VPS13B: variants seen among roughly 807,000 people sequenced by gnomAD.
VPS13B encodes the protein intermembrane lipid transfer protein VPS13B.
In VPS13B, 285 loss-of-function variants were observed where a neutral mutation model predicts 426.4. That is an observed-to-expected ratio of 0.67 (90% CI 0.61 to 0.74). VPS13B has a LOEUF of 0.74. Ranked by LOEUF, VPS13B falls within the 30% of genes least tolerant of loss-of-function variation. The pLI, the probability that VPS13B is intolerant of heterozygous loss-of-function variation, is 0.00. For synonymous variants in VPS13B, 1,676 were observed against 1,676.4 expected, an observed-to-expected ratio of 1.00 and a Z score of 0.01; for missense variants, 4,537 against 4,782.6, an observed-to-expected ratio of 0.95 and a Z score of 1.51.
chr8:99,318,017 C>T (rs1169043779), intron 19 of VPS13B, among the ~76,000 whole-genome samples: 1 of 152,028 alleles, frequency 6.6e-6, no homozygotes, highest in Admixed American at 6.6e-5. Context: ...CTTTAGAAAG[C>T]TTTACTTTAC....
intron 21 of VPS13B, among the ~76,000 whole-genome samples, chr8:99,406,756 A>T (rs775286342): frequency 8.5e-5 from 13 of 152,198 alleles, no homozygotes; most frequent in Non-Finnish European, 1.9e-4. Flanking sequence ...ACTTTAGGTT[A>T]TATCTGGAGA....
At chr8:99,121,031 G>C in intron 7 of VPS13B, 146 bp from the exon 8 acceptor site, 1 of 681,056 alleles carries the variant, frequency 1.5e-6, no homozygotes, top group Non-Finnish European at 2.4e-6. Context: ...CTAAATTATT[G>C]GTTTCAAATA....
chr8:99,303,437 A>G (rs1026813678), intron 19 of VPS13B, among the ~76,000 whole-genome samples: 5 of 151,746 alleles, frequency 3.3e-5, no homozygotes, highest in Admixed American at 2.6e-4. Flanking sequence ...TAATACCACC[A>G]TTAAAGGAAT....
chr8:99,592,459 T>C (rs191008168), intron 33 of VPS13B, among the ~76,000 whole-genome samples: 2 of 152,218 alleles, frequency 1.3e-5, no homozygotes, highest in Admixed American at 1.3e-4. Context: ...TGGTTTTATC[T>C]ACCTTTGGTC....
intron 30 of VPS13B, among the ~76,000 whole-genome samples, chr8:99,524,100 A>G (rs538874718): frequency 3.9e-5 from 6 of 152,258 alleles, no homozygotes; most frequent in African/African-American, 1.4e-4. Context: ...CAATTAACAT[A>G]CTGAATGCAT....
intron 40 of VPS13B, among the ~76,000 whole-genome samples, chr8:99,767,925 TCA>T (rs1302652074): frequency 7.9e-5 from 12 of 152,132 alleles, no homozygotes; most frequent in Non-Finnish European, 1.5e-4. Context: ...CAAGACCCTG[TCA>T]CACACACCAA....
rs1177998080 is a variant in VPS13B at position 99,877,385 on chromosome 8, G to T, written c.*1719G>T. On this transcript the variant is annotated 3_prime_UTR_variant, in exon 62 of 62. Transcript: ENST00000357162. Reference sequence around the variant, plus strand: ...TTATGGTAATTTTGCATATTGATATGAATTATATAAAATTGTTTAAAATAA... The same window carrying T: ...TTATGGTAATTTTGCATATTGATATTAATTATATAAAATTGTTTAAAATAA... 6.6e-6 allele frequency: 1 copy of T among 152,544 alleles called. No individual in the cohort carries two copies. The highest frequency in any genetic ancestry group is 1.5e-5 in the Non-Finnish European group (1 of 68,034). The allele number at this position is 152,544 out of a possible 1,614,324, so 9.4% of individuals were successfully genotyped here.
intron 3 of VPS13B, among the ~76,000 whole-genome samples, chr8:99,078,485 C>T (rs1845261450): frequency 6.6e-6 from 1 of 151,708 alleles, no homozygotes; most frequent in South Asian, 2.1e-4. Context: ...TAGGTAAAGG[C>T]TTTGGTGTGG....
chr8:99,438,955 C>G (rs1817544651), intron 22 of VPS13B, among the ~76,000 whole-genome samples: 1 of 152,096 alleles, frequency 6.6e-6, no homozygotes, highest in South Asian at 2.1e-4. Context: ...TGTTGACTAT[C>G]TTTCTTTAGC....
intron 25 of VPS13B, among the ~76,000 whole-genome samples, chr8:99,491,414 C>T (rs1310551771): frequency 1.3e-5 from 2 of 152,178 alleles, no homozygotes; most frequent in African/African-American, 4.8e-5. Flanking sequence ...GCCTGCTTTG[C>T]TAGACTGGGG....
At chr8:99,554,161 A>G (rs531668853) in intron 30 of VPS13B, among the ~76,000 whole-genome samples, 9 of 152,274 alleles carry the variant, frequency 5.9e-5, no homozygotes, top group Non-Finnish European at 8.8e-5. Flanking sequence ...TCGGTTGTTT[A>G]CATTGGGATT....
chr8:99,112,449 C>A (rs186518591), intron 6 of VPS13B, among the ~76,000 whole-genome samples: 272 of 152,060 alleles, frequency 1.8e-3, no homozygotes, highest in Middle Eastern at 6.8e-3. Context: ...TATGTAAAAT[C>A]TACATGTTTT....
At chr8:99,517,793 C>T (rs1007091185) in intron 29 of VPS13B, among the ~76,000 whole-genome samples, 1 of 151,978 alleles carries the variant, frequency 6.6e-6, no homozygotes, top group Admixed American at 6.6e-5. Flanking sequence ...AGGAACATTT[C>T]CTCATATGGT....
intron 34 of VPS13B, among the ~76,000 whole-genome samples, chr8:99,656,049 A>T (rs1001537908): frequency 6.6e-6 from 1 of 152,186 alleles, no homozygotes; most frequent in Non-Finnish European, 1.5e-5. Flanking sequence ...CTGGGAACTG[A>T]GTTGGGGCTT....
intron 39 of VPS13B, among the ~76,000 whole-genome samples, chr8:99,735,739 G>A (rs928945093): frequency 2.6e-5 from 4 of 152,194 alleles, no homozygotes; most frequent in Non-Finnish European, 4.4e-5. Flanking sequence ...CAAAAAGGAA[G>A]GCCGTGGAGG....
At chr8:99,382,526 T>A (rs1813871990) in intron 19 of VPS13B, among the ~76,000 whole-genome samples, 1 of 152,160 alleles carries the variant, frequency 6.6e-6, no homozygotes, top group African/African-American at 2.4e-5. Context: ...ATTGTAGGGA[T>A]CTTTCACCTC....
chr8:99,518,382 G>A (rs1822199898), intron 29 of VPS13B, among the ~76,000 whole-genome samples: 1 of 152,130 alleles, frequency 6.6e-6, no homozygotes, highest in African/African-American at 2.4e-5. Flanking sequence ...TGTAAACAAT[G>A]TTCATATTAT....
intron 30 of VPS13B, among the ~76,000 whole-genome samples, chr8:99,548,193 G>T (rs1241725018): frequency 6.6e-6 from 1 of 151,888 alleles, no homozygotes; most frequent in Admixed American, 6.6e-5. Context: ...TGCAATTGTT[G>T]TTTGTGCTAG....
chr8:99,645,061 G>T (rs1829527281), intron 34 of VPS13B, among the ~76,000 whole-genome samples: 1 of 152,194 alleles, frequency 6.6e-6, no homozygotes, highest in Non-Finnish European at 1.5e-5. Context: ...CCTGAGTCTA[G>T]ACTCTCAACC....
Sources: allele counts gnomAD v4.1 joint callset (sites outside exome capture counted in the v4.1 genomes callset), GRCh38; gene constraint gnomAD v4.1.1; transcripts MANE v1.5; gene names NCBI Gene and HGNC (gene_info 2026-07-23, HGNC 2026-07-21).